ATP11A: variants seen among roughly 807,000 people sequenced by gnomAD.
ATP11A encodes the protein ATPase phospholipid transporting 11A, also known as phospholipid-transporting ATPase IH.
ATP11A carries 81 observed loss-of-function variants against 154.4 expected under a neutral mutation model. That is an observed-to-expected ratio of 0.52 (90% CI 0.44 to 0.63). The LOEUF (loss-of-function observed/expected upper bound fraction) is 0.63. Ranked by LOEUF, ATP11A falls within the 30% of genes least tolerant of loss-of-function variation. The pLI, the probability that ATP11A is intolerant of heterozygous loss-of-function variation, is 0.00. For synonymous variants in ATP11A, 623 were observed against 585.9 expected (o/e 1.06, Z -0.91); for missense variants, 1,316 against 1,474.3 (o/e 0.89, Z 1.76).
rs935920071 is a variant in ATP11A, at chr13:112,753,574, G to C, written c.40-31561G>C. ...AGGCAGGTTGAGAATCTTTTTATGT[G>C]TTTAAGTCCATTTGCTGTTCTTTTC... On this transcript the variant is annotated intron_variant, in intron 1 of 29. Transcript: ENST00000375645. The surrounding 1 kb of genome is among the most constrained non-coding windows in gnomAD (Gnocchi z 4.1). Among the ~76,000 whole-genome samples, 4 of 152,154 alleles carry C rather than the reference G, an allele frequency of 2.6e-5. No homozygotes were observed. Among genetic ancestry groups the C allele is most frequent in the Admixed American group, 6.5e-5 (1 of 15,280 alleles).
At chr13:112,733,189 T>C (rs1053874074) in intron 1 of ATP11A, among the ~76,000 whole-genome samples, 2 of 152,170 alleles carry the variant, frequency 1.3e-5, no homozygotes, top group African/African-American at 4.8e-5. Flanking sequence ...GTCCATGCGC[T>C]TCCCCACAAA....
intron 1 of ATP11A, among the ~76,000 whole-genome samples, chr13:112,778,348 A>G (rs2139989006): frequency 6.6e-6 from 1 of 152,344 alleles, no homozygotes; most frequent in Middle Eastern, 3.4e-3. Flanking sequence ...GCTCCCATGC[A>G]GTTATGCTGT....
chr13:112,700,769 A>T (rs539145262), intron 1 of ATP11A, among the ~76,000 whole-genome samples: 2 of 151,862 alleles, frequency 1.3e-5, no homozygotes, highest in South Asian at 4.2e-4. Context: ...AGGGCCTGCA[A>T]CTCCCGCCAT....
At chr13:112,707,097 G>C (rs945651141) in intron 1 of ATP11A, among the ~76,000 whole-genome samples, 2 of 152,172 alleles carry the variant, frequency 1.3e-5, no homozygotes, top group Non-Finnish European at 2.9e-5. Context: ...ACCACTAAAC[G>C]AGCATACAGT....
Position 112,875,593 on chromosome 13 carries a change from C to T in ATP11A, c.3162-183C>T, listed in dbSNP as rs1159249269. ...CCTTCTCCCGTTCCTCTTACCCCAG[C>T]ATTACCGGGAGGTTCAGTGTTCATT... On this transcript the variant is annotated intron_variant, in intron 27 of 29. Coordinates refer to ENST00000375645, the MANE Select transcript of ATP11A (RefSeq NM_015205.3). The surrounding 1 kb of genome is among the most constrained non-coding windows in gnomAD (Gnocchi z 4.1). 5.9e-5 allele frequency among the ~76,000 whole-genome samples: 9 copies of T among 151,682 alleles called. No homozygotes were observed. The highest frequency in any genetic ancestry group is 5.8e-4 in the East Asian group (3 of 5,176).
chr13:112,824,159 T>TCCTATGCTTTATTCCTTAGGATAAA (rs2078872117), intron 9 of ATP11A, among the ~76,000 whole-genome samples, 185 bp from the exon 10 acceptor site: 1 of 151,730 alleles, frequency 6.6e-6, no homozygotes, highest in Non-Finnish European at 1.5e-5. Flanking sequence ...TTCCTATGCA[T>TCCTATGCTTTATTCCTTAGGATAAA]GAAGAAGGGT....
intron 1 of ATP11A, among the ~76,000 whole-genome samples, chr13:112,744,642 C>T (rs991195726): frequency 7.9e-5 from 12 of 152,180 alleles, no homozygotes; most frequent in East Asian, 7.7e-4. Flanking sequence ...AGTCAGCTCT[C>T]GGCTCGGTGC....
At chr13:112,737,355 G>T (rs1891097429) in intron 1 of ATP11A, among the ~76,000 whole-genome samples, 1 of 152,226 alleles carries the variant, frequency 6.6e-6, no homozygotes, top group Non-Finnish European at 1.5e-5. Context: ...CACACCCAGG[G>T]CAGGTTAGGC....
At chr13:112,737,744 G>C (rs1235000259) in intron 1 of ATP11A, among the ~76,000 whole-genome samples, 1 of 152,230 alleles carries the variant, frequency 6.6e-6, no homozygotes, top group Non-Finnish European at 1.5e-5. Flanking sequence ...TTTGTATTGA[G>C]AATAACTGCA....
chr13:112,822,183 T>C (rs1050043693), intron 8 of ATP11A, among the ~76,000 whole-genome samples: 1 of 152,234 alleles, frequency 6.6e-6, no homozygotes, highest in Non-Finnish European at 1.5e-5. Flanking sequence ...TCTGAAGCAA[T>C]CCTCTGAATG....
intron 25 of ATP11A, among the ~76,000 whole-genome samples, chr13:112,867,057 G>T (rs1045336950): frequency 0.028 from 12 of 426 alleles, no homozygotes; most frequent in Non-Finnish European, 0.096. Context: ...ATCTCGCGTA[G>T]CCCTTAAGAG....
At chr13:112,764,501 C>G (rs1483551881) in intron 1 of ATP11A, among the ~76,000 whole-genome samples, 4 of 152,230 alleles carry the variant, frequency 2.6e-5, no homozygotes, top group Non-Finnish European at 4.4e-5. Context: ...GCAGGGAGAA[C>G]TCTGTCTGGA....
At chr13:112,727,815 G>A (rs1001260842) in intron 1 of ATP11A, among the ~76,000 whole-genome samples, 2 of 152,244 alleles carry the variant, frequency 1.3e-5, no homozygotes, top group African/African-American at 2.4e-5. Flanking sequence ...AGCCTGCCAC[G>A]CAGCTCGGGG....
chr13:112,734,269 G>A (rs912293263), intron 1 of ATP11A, among the ~76,000 whole-genome samples: 3 of 152,134 alleles, frequency 2.0e-5, no homozygotes, highest in Non-Finnish European at 4.4e-5. Flanking sequence ...GATGAGGCAG[G>A]TGCAGGGGGC....
intron 18 of ATP11A, among the ~76,000 whole-genome samples, chr13:112,853,484 C>T (rs145148033): frequency 2.6e-5 from 4 of 152,124 alleles, no homozygotes; most frequent in African/African-American, 7.2e-5. Context: ...TTACTTCACA[C>T]GAAAGTAGTC....
intron 1 of ATP11A, among the ~76,000 whole-genome samples, chr13:112,732,810 G>T (rs542592029): frequency 2.0e-5 from 3 of 152,018 alleles, no homozygotes; most frequent in African/African-American, 7.2e-5. Flanking sequence ...ATGGGGTTTC[G>T]CCATGTTGGC....
chr13:112,860,241 G>T, intron 23 of ATP11A, 46 bp from the exon 24 acceptor site: 2 of 1,579,380 alleles, frequency 1.3e-6, no homozygotes, highest in East Asian at 2.3e-5. Context: ...CAAAAAGTTT[G>T]TAACAATGCA....
At chr13:112,778,129 A>T (rs1594653397) in intron 1 of ATP11A, among the ~76,000 whole-genome samples, 1 of 152,256 alleles carries the variant, frequency 6.6e-6, no homozygotes, top group East Asian at 1.9e-4. Context: ...ATCATACCAC[A>T]CATACCTTTT....
rs753119124 is a variant in ATP11A at position 112,810,602 on chromosome 13, T to G, written c.334-17T>G. ...TCTCCCTGCTTCCTCTCTCCCTTCT[T>G]TCCTTCCTTTTTTTAGGGTTATGAA... On this transcript the variant is annotated splice_polypyrimidine_tract_variant and intron_variant, in intron 4 of 29. Transcript: ENST00000375645. 35 of 1,605,318 alleles carry G rather than the reference T, an allele frequency of 2.2e-5. No individual in the cohort carries two copies. Among genetic ancestry groups the G allele is most frequent in the Middle Eastern group, 1.6e-4 (1 of 6,070 alleles).
Sources: gnomAD v4.1 joint callset for allele counts (sites outside exome capture counted in the v4.1 genomes callset) on GRCh38, gnomAD v4.1.1 for gene constraint, Gnocchi (gnomAD v3.1) non-coding constraint, MANE v1.5 for transcripts, NCBI Gene and HGNC (gene_info 2026-07-23, HGNC 2026-07-21) for gene names.